TBPL2: variants seen among roughly 807,000 people sequenced by gnomAD.
The protein encoded by TBPL2 is TATA-box binding protein like 2, also known as TATA box-binding protein-like 2.
Under a neutral mutation model 38.2 loss-of-function variants are expected in TBPL2, and 40 were observed. That is an observed-to-expected ratio of 1.05 (90% confidence interval 0.81 to 1.36). The LOEUF is 1.36. Ranked by LOEUF, TBPL2 falls within the 40% of genes most tolerant of loss-of-function variation. TBPL2 has a pLI of 0.00. For synonymous variants in TBPL2, 169 were observed against 171.7 expected (o/e 0.98, Z 0.12); for missense variants, 461 against 456.7 (o/e 1.01, Z -0.09).
At chr14:55,420,924 A>G (rs1403287300) in intron 6 of TBPL2, among the ~76,000 whole-genome samples, 1 of 151,870 alleles carries the variant, frequency 6.6e-6, no homozygotes, top group Non-Finnish European at 1.5e-5. Context: ...AGCTGGGCAT[A>G]GTGGCAGGTG....
exon 1 of TBPL2, chr14:55,440,413 C>T (rs139846237): frequency 5.6e-6 from 9 of 1,612,922 alleles, no homozygotes; most frequent in Admixed American, 1.7e-5. Flanking sequence ...GCGCACTGGT[C>T]CAGGTAGAGC....
At chr14:55,417,094 C>T (rs749262314) in intron 6 of TBPL2, among the ~76,000 whole-genome samples, 29 of 152,190 alleles carry the variant, frequency 1.9e-4, no homozygotes, top group Non-Finnish European at 3.5e-4. Flanking sequence ...ATCATTATAT[C>T]ATAGAGAAAC....
At chr14:55,436,736 C>G in exon 2 of TBPL2, 1 of 1,614,130 alleles carries the variant, frequency 6.2e-7, no homozygotes, top group Non-Finnish European at 8.5e-7. Context: ...CTGTTTAAGC[C>G]CAGCCCAACG....
chr14:55,438,576 C>T (rs923009011), intron 1 of TBPL2, among the ~76,000 whole-genome samples: 29 of 152,148 alleles, frequency 1.9e-4, no homozygotes, highest in Non-Finnish European at 4.0e-4. Flanking sequence ...TTCCCCTTCC[C>T]CATCATGGCA....
chr14:55,432,338 G>A (rs1454910541), intron 4 of TBPL2, among the ~76,000 whole-genome samples: 7 of 151,084 alleles, frequency 4.6e-5, no homozygotes, highest in Admixed American at 3.3e-4. Context: ...GCTCCAGCCC[G>A]GGAGGTGGAG....
chr14:55,433,631 T>C, exon 4 of TBPL2: 2 of 1,613,352 alleles, frequency 1.2e-6, no homozygotes, highest in South Asian at 1.1e-5. Flanking sequence ...TCCTCATACC[T>C]TTTGGCTCCC....
At chr14:55,424,584 T>G (rs1885792648) in intron 5 of TBPL2, among the ~76,000 whole-genome samples, 2 of 152,208 alleles carry the variant, frequency 1.3e-5, no homozygotes, top group Non-Finnish European at 2.9e-5. Flanking sequence ...AGTCTGTTAA[T>G]AAGAATACAT....
chr14:55,420,105 C>G (rs1025586994), intron 6 of TBPL2, among the ~76,000 whole-genome samples: 6 of 152,202 alleles, frequency 3.9e-5, no homozygotes, highest in African/African-American at 1.4e-4. Flanking sequence ...GACTCTTGCT[C>G]TGTTACCCAG....
At chr14:55,422,488 A>G (rs2140167532) in intron 6 of TBPL2, among the ~76,000 whole-genome samples, 1 of 152,198 alleles carries the variant, frequency 6.6e-6, no homozygotes, top group Admixed American at 6.5e-5. Flanking sequence ...TGACCTCATA[A>G]TTCGCCTGCC....
intron 6 of TBPL2, among the ~76,000 whole-genome samples, chr14:55,420,543 A>G (rs1327502135): frequency 6.6e-6 from 1 of 152,236 alleles, no homozygotes; most frequent in Non-Finnish European, 1.5e-5. Flanking sequence ...GTAGTAAGTC[A>G]TGGATTAACT....
chr14:55,428,943 A>C (rs757177371), exon 5 of TBPL2: 1 of 1,613,948 alleles, frequency 6.2e-7, no homozygotes, highest in Non-Finnish European at 8.5e-7. Context: ...ACACGAGCAT[A>C]TTTTCTTGCT....
chr14:55,433,060 G>C (rs1162382667), intron 4 of TBPL2, among the ~76,000 whole-genome samples: 1 of 152,128 alleles, frequency 6.6e-6, no homozygotes, highest in Non-Finnish European at 1.5e-5. Context: ...TTAGAAACAA[G>C]TTGTAGCAGC....
chr14:55,415,011 A>T (rs552623572), intron 6 of TBPL2, among the ~76,000 whole-genome samples: 2 of 152,342 alleles, frequency 1.3e-5, no homozygotes, highest in Admixed American at 1.3e-4. Context: ...ATTGTAAATC[A>T]TAACTGCTGT....
Position 55,436,508 on chromosome 14 carries a change from G to T in TBPL2, c.608+53C>A, listed in dbSNP as rs991652859. ...TGAAATTAGTTGTCATCGCATTCAG[G>T]AATATAAAATGTGTACCCAATGTGC... On this transcript the variant is annotated intron_variant, in intron 2 of 6. Coordinates refer to ENST00000247219, the Ensembl canonical transcript of TBPL2. 4 of 1,452,338 alleles carry T rather than the reference G, an allele frequency of 2.8e-6. No homozygotes were observed. The East Asian group carries it at 6.8e-5, about 25-fold the overall frequency. 90.0% of individuals were successfully genotyped at this position (1,452,338 alleles called of 1,614,324 possible).
intron 5 of TBPL2, among the ~76,000 whole-genome samples, chr14:55,427,193 C>A (rs748965942): frequency 9.2e-5 from 14 of 152,062 alleles, no homozygotes; most frequent in Admixed American, 2.6e-4. Context: ...CCTAAAGAGG[C>A]AACATGTCTT....
chr14:55,432,031 C>A (rs1885935984), intron 4 of TBPL2, among the ~76,000 whole-genome samples: 1 of 151,884 alleles, frequency 6.6e-6, no homozygotes, highest in Non-Finnish European at 1.5e-5. Flanking sequence ...TGCACAAATG[C>A]CTTAAGGGCA....
intron 5 of TBPL2, among the ~76,000 whole-genome samples, chr14:55,428,038 T>G (rs1282027403): frequency 6.7e-6 from 1 of 150,100 alleles, no homozygotes; most frequent in Non-Finnish European, 1.5e-5. Flanking sequence ...GCATTCTTTT[T>G]TCATCTTCTC....
intron 6 of TBPL2, among the ~76,000 whole-genome samples, chr14:55,422,227 A>T (rs1885755347): frequency 2.0e-5 from 3 of 152,240 alleles, no homozygotes; most frequent in Admixed American, 2.0e-4. Flanking sequence ...CATGGAGATC[A>T]GTTTGGCTCA....
At chr14:55,414,489 T>C in intron 6 of TBPL2, 34 bp from the exon 7 acceptor site, 1 of 1,458,962 alleles carries the variant, frequency 6.9e-7, no homozygotes, top group Non-Finnish European at 9.3e-7. Flanking sequence ...TAATTTTTAA[T>C]ATAAAAATAC....
Sources: allele counts gnomAD v4.1 joint callset (sites outside exome capture counted in the v4.1 genomes callset), GRCh38; gene constraint gnomAD v4.1.1; transcripts MANE v1.5; gene names NCBI Gene and HGNC (gene_info 2026-07-23, HGNC 2026-07-21).